Variants in GPR158 observed in about 807,000 individuals in gnomAD.
GPR158 encodes G protein-coupled receptor 158.
A neutral mutation model predicts 78.2 loss-of-function variants in GPR158; 30 were observed. The ratio of observed to expected loss-of-function variants is 0.38; its 90% CI spans 0.29 to 0.52. The LOEUF is 0.52. Ranked by LOEUF, GPR158 falls within the 20% of genes least tolerant of loss-of-function variation. The pLI, the probability that GPR158 is intolerant of heterozygous loss-of-function variation, is 0.83. For missense variants in GPR158, 1,463 were observed against 1,523.5 expected (o/e 0.96, Z 0.66); for synonymous variants, 581 against 591.1 (o/e 0.98, Z 0.25).
chr10:25,429,656 T>TA (rs556771313), intron 4 of GPR158, among the ~76,000 whole-genome samples: 1,608 of 151,550 alleles, frequency 0.011, 19 homozygotes, highest in African/African-American at 0.029. Flanking sequence ...AAAAAGCTTA[T>TA]CCACCATGAT....
intron 2 of GPR158, among the ~76,000 whole-genome samples, chr10:25,242,100 C>T (rs1232259086): frequency 2.0e-5 from 3 of 152,304 alleles, no homozygotes; most frequent in East Asian, 3.9e-4. Flanking sequence ...TCAGTAGCCA[C>T]GTGGTTTCGT....
chr10:25,197,662 C>T (rs2130650686), intron 1 of GPR158, among the ~76,000 whole-genome samples: 1 of 152,312 alleles, frequency 6.6e-6, no homozygotes, highest in East Asian at 1.9e-4. Flanking sequence ...ACAGTGTTCA[C>T]ATACATTTTC....
At chr10:25,519,414 T>G (rs1184246940) in intron 5 of GPR158, among the ~76,000 whole-genome samples, 1 of 131,266 alleles carries the variant, frequency 7.6e-6, no homozygotes, top group Non-Finnish European at 1.6e-5. Context: ...GATCCTGTCA[T>G]TATGATGTTA....
chr10:25,479,740 A>G (rs1835638643), intron 5 of GPR158, among the ~76,000 whole-genome samples: 1 of 151,996 alleles, frequency 6.6e-6, no homozygotes, highest in African/African-American at 2.4e-5. Flanking sequence ...TTATCATTTT[A>G]TTTCAATTAT....
At chr10:25,283,509 C>T (rs1854304492) in intron 2 of GPR158, among the ~76,000 whole-genome samples, 1 of 151,938 alleles carries the variant, frequency 6.6e-6, no homozygotes, top group Admixed American at 6.6e-5. Context: ...GCTTAGTGTT[C>T]AAATAATGGA....
At chr10:25,559,024 T>G (rs1053988093) in intron 6 of GPR158, among the ~76,000 whole-genome samples, 1 of 152,200 alleles carries the variant, frequency 6.6e-6, no homozygotes, top group African/African-American at 2.4e-5. Flanking sequence ...TCATTAGCTC[T>G]CTATTTGTTC....
chr10:25,302,075 T>TC (rs1289131867), intron 2 of GPR158, among the ~76,000 whole-genome samples: 2 of 149,654 alleles, frequency 1.3e-5, no homozygotes, highest in African/African-American at 4.9e-5. Flanking sequence ...TCCTTTTTTT[T>TC]TTTTTTTTTT....
At chr10:25,565,061 C>G (rs1836910291) in intron 6 of GPR158, among the ~76,000 whole-genome samples, 1 of 152,166 alleles carries the variant, frequency 6.6e-6, no homozygotes, top group Non-Finnish European at 1.5e-5. Flanking sequence ...CTCTCACATC[C>G]TATATTGTTA....
At chr10:25,515,863 A>G (rs1836163937) in intron 5 of GPR158, among the ~76,000 whole-genome samples, 1 of 150,886 alleles carries the variant, frequency 6.6e-6, no homozygotes, top group African/African-American at 2.5e-5. Flanking sequence ...AGCATGATTT[A>G]TAGTCATTTG....
intron 2 of GPR158, among the ~76,000 whole-genome samples, chr10:25,360,036 T>A (rs368387578): frequency 1.3e-5 from 2 of 152,124 alleles, no homozygotes; most frequent in South Asian, 4.1e-4. Context: ...TTTTTCATGT[T>A]TGTTGGCTGC....
At chr10:25,532,418 T>A (rs1280851665) in intron 5 of GPR158, among the ~76,000 whole-genome samples, 1 of 152,174 alleles carries the variant, frequency 6.6e-6, no homozygotes, top group Non-Finnish European at 1.5e-5. Flanking sequence ...TCATCATCAT[T>A]TTTTCATGTT....
At chr10:25,375,510 C>G (rs1037617101) in intron 2 of GPR158, among the ~76,000 whole-genome samples, 7 of 151,322 alleles carry the variant, frequency 4.6e-5, no homozygotes, top group African/African-American at 1.5e-4. Context: ...TAAATTTTAG[C>G]CCATGATCCA....
rs1044150676 is a variant in GPR158 at position 25,526,104 on chromosome 10, A to T, written c.1405-24872A>T. Among the ~76,000 whole-genome samples the T allele has an allele frequency of 0.011, 226 of 20,472 alleles. No individual in the cohort carries two copies. In the African/African-American group the frequency reaches 0.18, roughly 16 times the overall value. 13.4% of individuals were successfully genotyped at this position (20,472 alleles called of 152,430 possible). On this transcript the variant is annotated intron_variant, in intron 5 of 10. Coordinates refer to ENST00000376351, the MANE Select transcript of GPR158 (RefSeq NM_020752.3). The stretch of plus-strand genomic sequence containing the variant: ...CCTGGGCGACAGTCCAATTTTGTCT[A>T]AAAAAAAAAAAAAAAAAAAAAAAAA...
intron 9 of GPR158, among the ~76,000 whole-genome samples, chr10:25,596,280 G>A (rs1253255339): frequency 6.6e-6 from 1 of 152,100 alleles, no homozygotes; most frequent in Non-Finnish European, 1.5e-5. Context: ...CACGATTTGT[G>A]GCCTTTAGTT....
intron 2 of GPR158, among the ~76,000 whole-genome samples, chr10:25,252,976 C>A (rs1479015611): frequency 3.9e-5 from 6 of 152,184 alleles, no homozygotes; most frequent in Non-Finnish European, 8.8e-5. Context: ...ATTCCGTGGG[C>A]GTAGGACCCT....
At position 25,201,885 on chromosome 10, in the gene GPR158, G is replaced by T. The variant is rs190424222; in HGVS notation, c.903-19167G>T. The stretch of plus-strand genomic sequence containing the variant: ...GCTGGATTTGGTTTGCTAGTATTTT[G>T]TTGAGGATTGTTGCATATATGTTCA... On this transcript the variant is annotated intron_variant, in intron 1 of 10. Coordinates refer to ENST00000376351, the MANE Select transcript of GPR158 (RefSeq NM_020752.3). Among the ~76,000 whole-genome samples the T allele has an allele frequency of 2.3e-3, 356 of 152,182 alleles. 1 individual carries two copies. The highest frequency in any genetic ancestry group is 8.2e-3 in the African/African-American group (339 of 41,552).
chr10:25,565,433 G>C (rs957840251), intron 6 of GPR158, among the ~76,000 whole-genome samples: 2 of 152,138 alleles, frequency 1.3e-5, no homozygotes, highest in Admixed American at 1.3e-4. Context: ...GCATTCAAAG[G>C]TACGAGCATC....
At chr10:25,401,949 A>G (rs1300284740) in intron 3 of GPR158, among the ~76,000 whole-genome samples, 1 of 152,174 alleles carries the variant, frequency 6.6e-6, no homozygotes, top group Non-Finnish European at 1.5e-5. Flanking sequence ...GCAAATTTAG[A>G]AACTTTGATA....
chr10:25,279,608 G>T (rs1854238499), intron 2 of GPR158, among the ~76,000 whole-genome samples: 1 of 152,046 alleles, frequency 6.6e-6, no homozygotes, highest in Admixed American at 6.6e-5. Context: ...ACTTTTCAAG[G>T]AACAGCATGT....
Sources: allele counts gnomAD v4.1 joint callset (sites outside exome capture counted in the v4.1 genomes callset), GRCh38; gene constraint gnomAD v4.1.1; transcripts MANE v1.5; gene names NCBI Gene and HGNC (gene_info 2026-07-23, HGNC 2026-07-21).